Variants in IQSEC1 observed in about 807,000 individuals in gnomAD.
IQSEC1 encodes the protein IQ motif and Sec7 domain ArfGEF 1, also known as IQ motif and SEC7 domain-containing protein 1.
IQSEC1 carries 31 observed loss-of-function variants against 91.0 expected under a neutral mutation model. That is an observed-to-expected ratio of 0.34 (90% CI 0.26 to 0.46). The LOEUF (loss-of-function observed/expected upper bound fraction) is 0.46. Ranked by LOEUF, IQSEC1 falls within the 20% of genes least tolerant of loss-of-function variation. The pLI is 1.00. For missense variants in IQSEC1, 1,388 were observed against 1,575.6 expected, an observed-to-expected ratio of 0.88 and a Z score of 2.02; for synonymous variants, 699 against 662.6, an observed-to-expected ratio of 1.05 and a Z score of -0.84.
chr3:13,043,992 C>T (rs1010309956), intron 1 of IQSEC1, among the ~76,000 whole-genome samples: 2 of 152,208 alleles, frequency 1.3e-5, no homozygotes, highest in African/African-American at 4.8e-5. Context: ...GGGGTGACAT[C>T]CAGGCGGTCG....
chr3:12,977,686 T>A (rs1229162032), intron 1 of IQSEC1, among the ~76,000 whole-genome samples: 1 of 152,256 alleles, frequency 6.6e-6, no homozygotes, highest in Non-Finnish European at 1.5e-5. Context: ...CTGTAATGAA[T>A]AGATACGTTC....
At chr3:13,116,501 T>C (rs1196788226) in intron 2 of IQSEC1, among the ~76,000 whole-genome samples, 4 of 152,150 alleles carry the variant, frequency 2.6e-5, no homozygotes, top group Non-Finnish European at 4.4e-5. Flanking sequence ...GAACATACAA[T>C]GGGGAAAGGA....
chr3:13,163,629 G>A (rs986811759), intron 2 of IQSEC1, among the ~76,000 whole-genome samples: 2 of 152,170 alleles, frequency 1.3e-5, no homozygotes, highest in Non-Finnish European at 2.9e-5. Context: ...GGTTGGTGGG[G>A]CGAGGATGGG....
At chr3:13,069,245 C>A (rs1705335838) in intron 1 of IQSEC1, among the ~76,000 whole-genome samples, 1 of 152,168 alleles carries the variant, frequency 6.6e-6, no homozygotes, top group Non-Finnish European at 1.5e-5. Context: ...CCGGTTCCCT[C>A]CCTGCATCTC....
chr3:12,989,396 T>C (rs1701888359), intron 1 of IQSEC1, among the ~76,000 whole-genome samples: 1 of 152,218 alleles, frequency 6.6e-6, no homozygotes, highest in African/African-American at 2.4e-5. Context: ...GAAAAACAAC[T>C]GTATGATACT....
At chr3:13,072,181 C>T (rs1576236243) in intron 1 of IQSEC1, among the ~76,000 whole-genome samples, 1 of 152,346 alleles carries the variant, frequency 6.6e-6, no homozygotes, top group Non-Finnish European at 1.5e-5. Flanking sequence ...ATGAGTGGGT[C>T]CTGGGCAAAT....
chr3:12,937,018 C>T (rs376458417), intron 2 of IQSEC1, among the ~76,000 whole-genome samples: 7 of 151,960 alleles, frequency 4.6e-5, no homozygotes, highest in Admixed American at 2.0e-4. Context: ...CTGCAACCTC[C>T]GCCTCCTGGG....
At chr3:13,283,167 C>G (rs1336837856) in exon 1 of IQSEC1, among the ~76,000 whole-genome samples, 1 of 145,684 alleles carries the variant, frequency 6.9e-6, no homozygotes, top group East Asian at 2.0e-4. Context: ...CCCGCGCCGC[C>G]GCGCTCCGCC....
intron 1 of IQSEC1, among the ~76,000 whole-genome samples, chr3:13,059,563 C>T (rs1417405769): frequency 6.6e-6 from 1 of 152,124 alleles, no homozygotes; most frequent in Non-Finnish European, 1.5e-5. Context: ...CCAGCCCGGA[C>T]AACATGGCAA....
rs1553579817 is a variant in IQSEC1, at chr3:13,252,730, T to TTG, written c.272+29980_272+29981insCA. 2.2e-3 allele frequency among the ~76,000 whole-genome samples: 325 copies of TTG among 150,946 alleles called. 1 individual carries two copies. Among genetic ancestry groups the TTG allele is most frequent in the African/African-American group, 7.4e-3 (302 of 40,634 alleles). ...TCTTATTATCTATGTTTTTTTTTGTTTTTGTTTGTTTGTTTGTTTTGAGAC... is the reference window on the plus strand; with the variant it reads ...TCTTATTATCTATGTTTTTTTTTGTTTGTTTGTTTGTTTGTTTGTTTTGAGAC... On this transcript the variant is annotated intron_variant, in intron 1 of 15. Coordinates refer to the IQSEC1 transcript ENST00000648114.
chr3:13,254,808 C>T (rs1032167911), intron 1 of IQSEC1, among the ~76,000 whole-genome samples: 2 of 152,228 alleles, frequency 1.3e-5, no homozygotes, highest in Non-Finnish European at 2.9e-5. Context: ...GACGGCCCTG[C>T]CTGTCCCCAC....
At chr3:13,119,286 A>T (rs1171233021) in intron 2 of IQSEC1, among the ~76,000 whole-genome samples, 1 of 152,240 alleles carries the variant, frequency 6.6e-6, no homozygotes, top group Non-Finnish European at 1.5e-5. Flanking sequence ...CAACTCTGTC[A>T]TTAAAAGGGC....
chr3:12,974,964 C>A (rs1026902033), intron 1 of IQSEC1, among the ~76,000 whole-genome samples: 2 of 152,250 alleles, frequency 1.3e-5, no homozygotes, highest in Admixed American at 6.5e-5. Context: ...AGAGGCAGGC[C>A]TGTGGGCAGC....
chr3:12,915,452 A>T (rs1324366359), intron 7 of IQSEC1, 142 bp downstream of exon 7: 23 of 879,852 alleles, frequency 2.6e-5, no homozygotes, highest in Non-Finnish European at 3.8e-5. Flanking sequence ...AGACACTCGA[A>T]AAAACCCCAA....
chr3:13,076,625 G>A (rs1484819871), upstream of IQSEC1, among the ~76,000 whole-genome samples: 1 of 152,144 alleles, frequency 6.6e-6, no homozygotes, highest in African/African-American at 2.4e-5. Flanking sequence ...TCTTCATCCA[G>A]GGCTGGGCAG....
chr3:12,985,300 A>G (rs1701673236), intron 1 of IQSEC1, among the ~76,000 whole-genome samples: 1 of 152,086 alleles, frequency 6.6e-6, no homozygotes, highest in Non-Finnish European at 1.5e-5. Flanking sequence ...CTGAGTCAGG[A>G]GCCCAGAGAG....
chr3:13,241,014 G>A (rs1304024243), intron 1 of IQSEC1, among the ~76,000 whole-genome samples: 3 of 152,182 alleles, frequency 2.0e-5, no homozygotes, highest in Non-Finnish European at 4.4e-5. Flanking sequence ...GTGCACAGGT[G>A]GGCCCACCGT....
rs555633856 is a variant in IQSEC1 at position 13,049,488 on chromosome 3, G to A, written c.23+23504C>T. Among the ~76,000 whole-genome samples the A allele has an allele frequency of 2.0e-5, 3 of 152,266 alleles. No individual in the cohort carries two copies. The East Asian group carries it at 5.8e-4, about 29-fold the overall frequency. On this transcript the variant is annotated intron_variant, in intron 1 of 13. Transcript: ENST00000613206. ...CCGACCCTTGCATTAACCTTATGAGGTACATGGAATCATGCTCCCACTTCA... is the reference window on the plus strand; with the variant it reads ...CCGACCCTTGCATTAACCTTATGAGATACATGGAATCATGCTCCCACTTCA...
At chr3:13,242,333 C>T (rs1037784176) in intron 1 of IQSEC1, among the ~76,000 whole-genome samples, 8 of 152,196 alleles carry the variant, frequency 5.3e-5, no homozygotes, top group African/African-American at 1.2e-4. Flanking sequence ...ACATGAGGTG[C>T]GGTGACCCTT....
Sources: allele counts gnomAD v4.1 joint callset (sites outside exome capture counted in the v4.1 genomes callset), GRCh38; gene constraint gnomAD v4.1.1; transcripts MANE v1.5; gene names NCBI Gene and HGNC (gene_info 2026-07-23, HGNC 2026-07-21).